CPQ: variants seen among roughly 807,000 people sequenced by gnomAD.
CPQ encodes the protein Ser-Met dipeptidase.
Under a neutral mutation model 45.7 loss-of-function variants are expected in CPQ, and 37 were observed. The ratio of observed to expected loss-of-function variants is 0.81; its 90% confidence interval spans 0.62 to 1.07. The LOEUF is 1.07. Ranked by LOEUF, CPQ falls within the 50% of genes least tolerant of loss-of-function variation. The pLI is 0.00. For synonymous variants in CPQ, 186 were observed against 205.8 expected (o/e 0.90, Z 0.82); for missense variants, 537 against 572.9 (o/e 0.94, Z 0.64).
intron 5 of CPQ, among the ~76,000 whole-genome samples, chr8:97,000,545 A>G (rs1809260291): frequency 6.6e-6 from 1 of 151,850 alleles, no homozygotes; most frequent in African/African-American, 2.4e-5. Context: ...AGATCAGATG[A>G]TTGTAGGTGC....
At chr8:97,038,378 C>T (rs1350426214) in intron 6 of CPQ, among the ~76,000 whole-genome samples, 3 of 152,178 alleles carry the variant, frequency 2.0e-5, no homozygotes, top group Non-Finnish European at 4.4e-5. Flanking sequence ...GTTTCTGCCT[C>T]AGTGCCTCCC....
At chr8:96,787,868 AT>A (rs1278562143) in intron 2 of CPQ, among the ~76,000 whole-genome samples, 4 of 35,674 alleles carry the variant, frequency 1.1e-4, no homozygotes, top group South Asian at 3.4e-3. Flanking sequence ...TCTTATTATA[AT>A]TTTTTTATGT....
At chr8:96,760,012 C>A (rs545457238) in intron 1 of CPQ, among the ~76,000 whole-genome samples, 1 of 152,312 alleles carries the variant, frequency 6.6e-6, no homozygotes, top group East Asian at 1.9e-4. Context: ...TAGGACTATA[C>A]TGCAGTTGGA....
At chr8:96,936,588 A>G (rs1813053725) in intron 4 of CPQ, among the ~76,000 whole-genome samples, 1 of 152,176 alleles carries the variant, frequency 6.6e-6, no homozygotes, top group Admixed American at 6.5e-5. Context: ...GATTAACTCA[A>G]CCTCACAAAA....
intron 7 of CPQ, among the ~76,000 whole-genome samples, chr8:97,082,943 G>A (rs1054362307): frequency 6.6e-6 from 1 of 152,084 alleles, no homozygotes; most frequent in Non-Finnish European, 1.5e-5. Context: ...ACCACAAAAG[G>A]CCCAGAAACA....
intron 4 of CPQ, among the ~76,000 whole-genome samples, chr8:96,938,473 G>C (rs1813082882): frequency 6.6e-6 from 1 of 152,174 alleles, no homozygotes; most frequent in Admixed American, 6.6e-5. Flanking sequence ...ATATGATGTA[G>C]AGAGGGTATA....
At chr8:96,841,817 G>A (rs1811614752) in intron 3 of CPQ, among the ~76,000 whole-genome samples, 1 of 152,180 alleles carries the variant, frequency 6.6e-6, no homozygotes, top group African/African-American at 2.4e-5. Flanking sequence ...TCCAGGTGAT[G>A]TTTATGGAGT....
intron 4 of CPQ, among the ~76,000 whole-genome samples, chr8:96,909,079 AAACAAG>A (rs142692232): frequency 2.0e-5 from 3 of 152,274 alleles, no homozygotes; most frequent in African/African-American, 7.2e-5. Context: ...TCCAGCAATG[AAACAAG>A]TTGGAATCTG....
chr8:96,997,918 T>C (rs1809204411), intron 5 of CPQ, among the ~76,000 whole-genome samples: 1 of 152,024 alleles, frequency 6.6e-6, no homozygotes, highest in Admixed American at 6.6e-5. Flanking sequence ...TTGTTGTATG[T>C]TTTAACCTTT....
intron 5 of CPQ, among the ~76,000 whole-genome samples, chr8:96,976,986 A>G (rs912746392): frequency 6.6e-6 from 1 of 152,192 alleles, no homozygotes; most frequent in Non-Finnish European, 1.5e-5. Context: ...AACAAAAACA[A>G]AGATAGACAT....
chr8:96,933,845 G>A (rs980742010), intron 4 of CPQ, among the ~76,000 whole-genome samples: 4 of 152,166 alleles, frequency 2.6e-5, no homozygotes, highest in Admixed American at 2.0e-4. Flanking sequence ...CAGATAGTCC[G>A]GTTTCAAATC....
In CPQ at chr8:96,770,471, A is replaced by G. The variant is rs530994854; in HGVS notation, c.-34-14393A>G. On this transcript the variant is annotated intron_variant, in intron 1 of 7. Coordinates refer to ENST00000220763, the MANE Select transcript of CPQ (RefSeq NM_016134.4). Reference sequence around the variant, plus strand: ...CTCTAATGCCCACACTTTATTCAGGATGTTGTGTTCAGTAGCAGAGACATT... The same window carrying G: ...CTCTAATGCCCACACTTTATTCAGGGTGTTGTGTTCAGTAGCAGAGACATT... 4.6e-5 allele frequency among the ~76,000 whole-genome samples: 7 copies of G among 152,132 alleles called. No homozygotes were observed. In the East Asian group the frequency reaches 1.4e-3, roughly 29 times the overall value.
intron 6 of CPQ, among the ~76,000 whole-genome samples, chr8:97,051,258 G>T (rs901815423): frequency 2.6e-5 from 4 of 151,950 alleles, no homozygotes; most frequent in African/African-American, 9.7e-5. Context: ...TAATATTTTT[G>T]AATGCATAAA....
At chr8:96,984,838 G>A (rs900568068) in intron 5 of CPQ, among the ~76,000 whole-genome samples, 3 of 152,166 alleles carry the variant, frequency 2.0e-5, no homozygotes, top group Non-Finnish European at 4.4e-5. Context: ...GCACATAACT[G>A]CTCAGTGAAT....
chr8:96,967,682 T>A (rs1276443707), intron 5 of CPQ, among the ~76,000 whole-genome samples: 1 of 152,214 alleles, frequency 6.6e-6, no homozygotes, highest in Non-Finnish European at 1.5e-5. Context: ...TGAAAGTCTA[T>A]GTAAAGATAT....
At chr8:97,102,572 G>T (rs936171557) in intron 7 of CPQ, among the ~76,000 whole-genome samples, 4 of 152,256 alleles carry the variant, frequency 2.6e-5, no homozygotes, top group Admixed American at 2.0e-4. Flanking sequence ...GGTCCAAAAG[G>T]CCTGAGTTCA....
At chr8:96,647,555 G>A (rs1586343774) in intron 1 of CPQ, among the ~76,000 whole-genome samples, 1 of 152,144 alleles carries the variant, frequency 6.6e-6, no homozygotes, top group Admixed American at 6.5e-5. Context: ...CAAGCAGATG[G>A]AAACAGGGTT....
Position 97,046,651 on chromosome 8 carries a change from C to T in CPQ, c.1053+17157C>T, listed in dbSNP as rs538945215. Among the ~76,000 whole-genome samples the T allele has an allele frequency of 3.9e-4, 59 of 152,310 alleles. 1 individual carries two copies. The South Asian group carries it at 0.012, about 31-fold the overall frequency. ...AATAAAACTCATCCAATCAGATGCA[C>T]TCCCTCCCCTGTGAAATCAGAGGCA... On this transcript the variant is annotated intron_variant, in intron 6 of 7. Transcript: ENST00000220763.
intron 7 of CPQ, among the ~76,000 whole-genome samples, chr8:97,102,071 G>T (rs1811321979): frequency 6.6e-6 from 1 of 152,130 alleles, no homozygotes; most frequent in East Asian, 1.9e-4. Flanking sequence ...CAGTTAGGGA[G>T]ATAAGATCTA....
Sources: gnomAD v4.1 joint callset for allele counts (sites outside exome capture counted in the v4.1 genomes callset) on GRCh38, gnomAD v4.1.1 for gene constraint, MANE v1.5 for transcripts, NCBI Gene and HGNC (gene_info 2026-07-23, HGNC 2026-07-21) for gene names.